Variants in GARIN1B observed in about 807,000 individuals in gnomAD.
GARIN1B encodes the protein golgi associated RAB2 interactor 1B, also known as Golgi-associated RAB2 interactor protein 1B.
At chr7:128,714,262 G>T in the GARIN1B span, 1 of 949,350 alleles carries the variant, frequency 1.1e-6, no homozygotes, top group East Asian at 2.7e-5. Context: ...TGACCTTGAT[G>T]GTTAATTCAT....
At chr7:128,718,884 T>A in the GARIN1B span, 1 of 1,613,930 alleles carries the variant, frequency 6.2e-7, no homozygotes, top group Admixed American at 1.7e-5. Context: ...TATCAACGCA[T>A]CCTGCAGTTG....
the GARIN1B span, among the ~76,000 whole-genome samples, chr7:128,711,445 A>G: frequency 6.6e-6 from 1 of 152,108 alleles, no homozygotes; most frequent in African/African-American, 2.4e-5. Flanking sequence ...AAAATAAGCT[A>G]AGGGAACATG....
At chr7:128,719,239 T>C in the GARIN1B span, among the ~76,000 whole-genome samples, 4 of 152,034 alleles carry the variant, frequency 2.6e-5, no homozygotes, top group African/African-American at 4.8e-5. Context: ...AAATCCACCA[T>C]TGTGGATTTT....
At chr7:128,722,039 C>T in the GARIN1B span, among the ~76,000 whole-genome samples, 5 of 152,096 alleles carry the variant, frequency 3.3e-5, no homozygotes, top group African/African-American at 1.2e-4. Flanking sequence ...TGCATCTATG[C>T]TCATGAGAGA....
chr7:128,729,893 T>A, the GARIN1B span: 1 of 1,611,140 alleles, frequency 6.2e-7, no homozygotes, highest in South Asian at 1.1e-5. Flanking sequence ...ATTTCTTTAC[T>A]TGATCTAGGG....
chr7:128,710,360 T>G, the GARIN1B span, among the ~76,000 whole-genome samples: 2 of 152,208 alleles, frequency 1.3e-5, no homozygotes, highest in African/African-American at 4.8e-5. Flanking sequence ...AATCAGGACT[T>G]TTTTTGGTTT....
chr7:128,718,704 G>T, the GARIN1B span: 1 of 1,229,998 alleles, frequency 8.1e-7, no homozygotes, highest in African/African-American at 1.5e-5. Flanking sequence ...GCAGCACTGT[G>T]CTAAAGCACC....
chr7:128,709,382 A>G, the GARIN1B span, among the ~76,000 whole-genome samples: 2 of 152,166 alleles, frequency 1.3e-5, no homozygotes, highest in Non-Finnish European at 2.9e-5. Context: ...CCATGTTTTT[A>G]CAAAGTAAAA....
the GARIN1B span, chr7:128,731,028 T>C: frequency 3.7e-6 from 5 of 1,346,888 alleles, no homozygotes; most frequent in Non-Finnish European, 5.3e-6. Context: ...AGCATAAGTA[T>C]CTGTGTGCCC....
the GARIN1B span, among the ~76,000 whole-genome samples, chr7:128,720,320 T>C: frequency 6.6e-6 from 1 of 151,304 alleles, no homozygotes; most frequent in Non-Finnish European, 1.5e-5. Flanking sequence ...CACCTCAGCC[T>C]CCCAAGTAGC....
the GARIN1B span, chr7:128,724,773 C>T: frequency 3.1e-6 from 4 of 1,289,480 alleles, no homozygotes; most frequent in African/African-American, 1.5e-5. Flanking sequence ...CAACAGGAAC[C>T]AGTTGGACCA....
chr7:128,723,868 GTTC>G, the GARIN1B span, among the ~76,000 whole-genome samples: 81 of 152,204 alleles, frequency 5.3e-4, no homozygotes, highest in Non-Finnish European at 4.6e-4. Flanking sequence ...TTCTTGCCTT[GTTC>G]TTCTTCTCCA....
chr7:128,716,548 A>G, the GARIN1B span, among the ~76,000 whole-genome samples: 1 of 152,142 alleles, frequency 6.6e-6, no homozygotes, highest in South Asian at 2.1e-4. Flanking sequence ...ACAAGAATTG[A>G]TTTTTGGCCC....
the GARIN1B span, among the ~76,000 whole-genome samples, chr7:128,721,652 T>C: frequency 6.6e-6 from 1 of 152,190 alleles, no homozygotes; most frequent in Admixed American, 6.5e-5. Flanking sequence ...AAAGCAGACA[T>C]CCTTGTCTTG....
At chr7:128,713,620 C>T in the GARIN1B span, among the ~76,000 whole-genome samples, 1 of 152,194 alleles carries the variant, frequency 6.6e-6, no homozygotes, top group African/African-American at 2.4e-5. Context: ...GCACCATTTA[C>T]AAAACTGCTT....
chr7:128,717,249 C>T, the GARIN1B span, among the ~76,000 whole-genome samples: 109 of 152,118 alleles, frequency 7.2e-4, 1 homozygote, highest in South Asian at 0.022. Flanking sequence ...GCTGCACAGA[C>T]GCCACTGAAT....
At chr7:128,716,015 C>G in the GARIN1B span, among the ~76,000 whole-genome samples, 1 of 152,132 alleles carries the variant, frequency 6.6e-6, no homozygotes, top group African/African-American at 2.4e-5. Flanking sequence ...TAAAAAGAGA[C>G]GCTTCTTGAG....
the GARIN1B span, among the ~76,000 whole-genome samples, chr7:128,712,052 AC>A: frequency 0.012 from 1,787 of 152,280 alleles, 17 homozygotes; most frequent in Non-Finnish European, 0.019. Context: ...AAAAACAAAA[AC>A]AAAAACAAAA....
At chr7:128,713,312 G>GA in the GARIN1B span, among the ~76,000 whole-genome samples, 4 of 151,598 alleles carry the variant, frequency 2.6e-5, no homozygotes, top group South Asian at 4.2e-4. Flanking sequence ...ATTTCAAAAA[G>GA]AAAAAAAAGA....
Sources: allele counts gnomAD v4.1 joint callset (sites outside exome capture counted in the v4.1 genomes callset), GRCh38; gene constraint gnomAD v4.1.1; transcripts MANE v1.5; gene names NCBI Gene and HGNC (gene_info 2026-07-23, HGNC 2026-07-21).